CHRM3: variants seen among roughly 807,000 people sequenced by gnomAD.
CHRM3 encodes the protein cholinergic receptor muscarinic 3.
In CHRM3, 11 loss-of-function variants were observed where a neutral mutation model predicts 41.8. That is an observed-to-expected ratio of 0.26 (90% CI 0.17 to 0.44). The LOEUF (loss-of-function observed/expected upper bound fraction) is 0.44, where lower values mean the gene tolerates loss of function less well. CHRM3 is among the 20% of genes least tolerant of loss of function. The pLI is 1.00. For synonymous variants in CHRM3, 297 were observed against 301.4 expected (o/e 0.99, Z 0.15); for missense variants, 571 against 745.4 (o/e 0.77, Z 2.72).
At chr1:239,794,844 T>A (rs1167282331) in intron 5 of CHRM3, among the ~76,000 whole-genome samples, 1 of 152,196 alleles carries the variant, frequency 6.6e-6, no homozygotes, top group Non-Finnish European at 1.5e-5. Context: ...ATGTTTCCGA[T>A]CCTATCAATA....
At chr1:239,459,959 T>G (rs1665234059) in intron 1 of CHRM3, among the ~76,000 whole-genome samples, 1 of 152,178 alleles carries the variant, frequency 6.6e-6, no homozygotes, top group Admixed American at 6.5e-5. Context: ...TTAGGCCCTA[T>G]TCAGGGGCTT....
At chr1:239,564,332 T>A (rs1391357358) in intron 3 of CHRM3, among the ~76,000 whole-genome samples, 1 of 152,080 alleles carries the variant, frequency 6.6e-6, no homozygotes, top group African/African-American at 2.4e-5. Flanking sequence ...AGATAAGATA[T>A]CCAAAAGATA....
At chr1:239,863,358 G>T (rs756468702) in intron 6 of CHRM3, among the ~76,000 whole-genome samples, 1 of 152,152 alleles carries the variant, frequency 6.6e-6, no homozygotes, top group Non-Finnish European at 1.5e-5. Context: ...GTCACCTTAG[G>T]GTGCCCTGAA....
At chr1:239,435,812 G>A (rs1239575361) in intron 1 of CHRM3, among the ~76,000 whole-genome samples, 4 of 151,916 alleles carry the variant, frequency 2.6e-5, no homozygotes, top group Non-Finnish European at 5.9e-5. Flanking sequence ...ATTTCCATAG[G>A]TGATATTTTG....
At chr1:239,401,014 T>C (rs1659926266) in intron 1 of CHRM3, among the ~76,000 whole-genome samples, 1 of 152,162 alleles carries the variant, frequency 6.6e-6, no homozygotes, top group Admixed American at 6.5e-5. Context: ...ATCTTTCTCA[T>C]CAGAAGCAGG....
At position 239,908,521 on chromosome 1, in the gene CHRM3, T is replaced by C. The variant is rs1466814941; in HGVS notation, c.1070T>C (p.Ile357Thr). ...ENSASSDEED[I>T]GSETRAIYSI... ...TCCGCCTCCTCCGACGAGGAGGACATTGGCTCCGAGACGAGAGCCATCTAC... is the reference window on the plus strand; with the variant it reads ...TCCGCCTCCTCCGACGAGGAGGACACTGGCTCCGAGACGAGAGCCATCTAC... The change falls in exon 7 of 7, where the codon ATT becomes ACT. Residue 357 changes from isoleucine (I) to threonine (T), a missense_variant. Ile to Thr is a moderately conservative substitution (Grantham distance 89, BLOSUM62 -1). Coordinates refer to ENST00000676153, the MANE Select transcript of CHRM3 (RefSeq NM_001375978.1). This position sits in a 1 kb window ranked among gnomAD's most constrained non-coding sequence, Gnocchi z 7.2. The C allele has an allele frequency of 1.9e-6, 3 of 1,594,404 alleles. No homozygotes were observed. The highest frequency in any genetic ancestry group is 2.6e-6 in the Non-Finnish European group (3 of 1,170,342).
chr1:239,865,954 T>C (rs957728619), intron 6 of CHRM3, among the ~76,000 whole-genome samples: 1 of 152,120 alleles, frequency 6.6e-6, no homozygotes, highest in Admixed American at 6.5e-5. Context: ...AGCACTTGCC[T>C]CCCACAAGGG....
intron 1 of CHRM3, among the ~76,000 whole-genome samples, chr1:239,461,577 T>C (rs1665363032): frequency 6.6e-6 from 1 of 152,136 alleles, no homozygotes; most frequent in African/African-American, 2.4e-5. Context: ...CAAATCTTAA[T>C]GTGCTTATGT....
intron 5 of CHRM3, among the ~76,000 whole-genome samples, chr1:239,806,354 C>A (rs528752031): frequency 6.6e-6 from 1 of 151,978 alleles, no homozygotes; most frequent in East Asian, 1.9e-4. Flanking sequence ...CACACACACA[C>A]CTGTGGACAT....
At chr1:239,419,586 G>T (rs1054613271) in intron 1 of CHRM3, among the ~76,000 whole-genome samples, 10 of 152,090 alleles carry the variant, frequency 6.6e-5, no homozygotes, top group African/African-American at 2.4e-4. Context: ...TATTTTTAGG[G>T]ATAATAGATA....
intron 5 of CHRM3, among the ~76,000 whole-genome samples, chr1:239,813,918 A>T (rs1324605843): frequency 5.0e-5 from 1 of 19,976 alleles, no homozygotes; most frequent in Non-Finnish European, 3.2e-4. Flanking sequence ...CTCCGTCTCA[A>T]AAAAAAAAAA....
intron 6 of CHRM3, among the ~76,000 whole-genome samples, chr1:239,863,109 A>G (rs1675771871): frequency 6.6e-6 from 1 of 152,188 alleles, no homozygotes; most frequent in Non-Finnish European, 1.5e-5. Context: ...GGACGGAGCC[A>G]AAACTCAAAC....
At chr1:239,746,304 G>T (rs1029728298) in intron 5 of CHRM3, among the ~76,000 whole-genome samples, 1 of 152,204 alleles carries the variant, frequency 6.6e-6, no homozygotes, top group Non-Finnish European at 1.5e-5. Flanking sequence ...TTGCGCATTT[G>T]TTCTGTGCCA....
rs200936697 is a variant in CHRM3, at chr1:239,908,854, C to T, written c.1403C>T (p.Ala468Val). 1 of 1,614,138 alleles carries T rather than the reference C, an allele frequency of 6.2e-7. No individual in the cohort carries two copies. Among genetic ancestry groups the T allele is most frequent in the Non-Finnish European group, 8.5e-7 (1 of 1,180,038 alleles). Residue 468 changes from alanine to valine, a missense_variant, in exon 7 of 7, where the codon GCT becomes GTT. Physicochemically the swap from Ala to Val is moderately conservative, Grantham distance 64. Coordinates refer to ENST00000676153, the MANE Select transcript of CHRM3 (RefSeq NM_001375978.1). The surrounding 1 kb of genome is among the most constrained non-coding windows in gnomAD (Gnocchi z 7.2). ...GAAGCCACTCTGGCCAAGAGGTTTG[C>T]TCTGAAGACCAGAAGTCAGATCACT... is the stretch of plus-strand genomic sequence containing the variant. ...FKEATLAKRF[A>V]LKTRSQITKR... is the part of the protein sequence containing the mutation.
At chr1:239,865,195 T>C (rs1208002552) in intron 6 of CHRM3, among the ~76,000 whole-genome samples, 5 of 152,174 alleles carry the variant, frequency 3.3e-5, no homozygotes, top group African/African-American at 4.8e-5. Flanking sequence ...TGATATATTG[T>C]TATGGGAGAA....
intron 1 of CHRM3, among the ~76,000 whole-genome samples, chr1:239,426,800 C>T (rs1662426299): frequency 6.6e-6 from 1 of 152,034 alleles, no homozygotes; most frequent in South Asian, 2.1e-4. Context: ...GGATTCTGAA[C>T]TGAAGTACAG....
intron 6 of CHRM3, among the ~76,000 whole-genome samples, chr1:239,830,515 A>C (rs910162253): frequency 5.3e-5 from 8 of 152,162 alleles, no homozygotes; most frequent in Admixed American, 5.2e-4. Context: ...CAGCCTGGAC[A>C]ATATGGTGAA....
intron 5 of CHRM3, among the ~76,000 whole-genome samples, chr1:239,811,919 T>C (rs1231810704): frequency 6.6e-6 from 1 of 152,172 alleles, no homozygotes; most frequent in Non-Finnish European, 1.5e-5. Flanking sequence ...AACTAATGGA[T>C]AGATTTTGCA....
chr1:239,874,236 A>T (rs1676836562), intron 6 of CHRM3, among the ~76,000 whole-genome samples: 1 of 103,968 alleles, frequency 9.6e-6, no homozygotes, highest in East Asian at 3.8e-4. Context: ...TAGAATATAT[A>T]TATATTCTAA....
Sources: allele counts gnomAD v4.1 joint callset (sites outside exome capture counted in the v4.1 genomes callset), GRCh38; gene constraint gnomAD v4.1.1; non-coding constraint Gnocchi (gnomAD v3.1); transcripts MANE v1.5; gene names NCBI Gene and HGNC (gene_info 2026-07-23, HGNC 2026-07-21).